CNTLN: variants seen among roughly 807,000 people sequenced by gnomAD.
CNTLN encodes centlein, centrosomal protein.
In CNTLN, 212 loss-of-function variants were observed where a neutral mutation model predicts 180.0. That is an observed-to-expected ratio of 1.18 (90% confidence interval 1.05 to 1.32). CNTLN has a LOEUF of 1.32. Among genes scored for constraint, CNTLN ranks in the 40% most tolerant of loss-of-function variants. The pLI, the probability that CNTLN is intolerant of heterozygous loss-of-function variation, is 0.00. For missense variants in CNTLN, 2,095 were observed against 1,610.9 expected (o/e 1.30, Z -5.14); for synonymous variants, 722 against 563.1 (o/e 1.28, Z -3.99).
At chr9:17,356,305 A>G (rs1044254963) in intron 12 of CNTLN, among the ~76,000 whole-genome samples, 3 of 152,122 alleles carry the variant, frequency 2.0e-5, no homozygotes, top group Non-Finnish European at 4.4e-5. Context: ...TCATACACTA[A>G]GATTGTAGCT....
intron 6 of CNTLN, among the ~76,000 whole-genome samples, chr9:17,292,607 T>C (rs902284536): frequency 2.0e-5 from 3 of 152,192 alleles, no homozygotes; most frequent in African/African-American, 7.2e-5. Context: ...TTGATACTTA[T>C]GGTTGCATTG....
At chr9:17,306,169 A>ATTTTTTTTTTTTTTT (rs1818697540) in intron 7 of CNTLN, among the ~76,000 whole-genome samples, 1 of 74,924 alleles carries the variant, frequency 1.3e-5, no homozygotes, top group Non-Finnish European at 2.6e-5. Flanking sequence ...TTTTTTTTTG[A>ATTTTTTTTTTTTTTT]GTTTGAGTCT....
chr9:17,502,521 TTAA>T (rs1833804465), intron 25 of CNTLN, 27 bp from the exon 26 acceptor site: 1 of 1,044,026 alleles, frequency 9.6e-7, no homozygotes, highest in African/African-American at 1.7e-5. Flanking sequence ...ATATAGAGTT[TTAA>T]TAATCTTTTT....
At chr9:17,464,755 C>T (rs1350435649) in intron 21 of CNTLN, 132 bp downstream of exon 21, 1 of 521,924 alleles carries the variant, frequency 1.9e-6, no homozygotes, top group East Asian at 3.6e-5. Flanking sequence ...TACAAAGTAA[C>T]ACTCTTTGCT....
intron 18 of CNTLN, among the ~76,000 whole-genome samples, chr9:17,456,090 C>T (rs1264314421): frequency 6.6e-6 from 1 of 151,896 alleles, no homozygotes; most frequent in Admixed American, 6.6e-5. Context: ...AAGAGAGTGG[C>T]TGAAAGGAAT....
intron 5 of CNTLN, among the ~76,000 whole-genome samples, chr9:17,251,119 T>A (rs979469557): frequency 6.6e-6 from 1 of 152,056 alleles, no homozygotes; most frequent in Admixed American, 6.6e-5. Flanking sequence ...GCTTTTACTC[T>A]CATTAAGGAT....
At chr9:17,465,893 T>C in intron 21 of CNTLN, 88 bp from the exon 22 acceptor site, 2 of 952,804 alleles carry the variant, frequency 2.1e-6, no homozygotes, top group Non-Finnish European at 3.1e-6. Context: ...AGTAGACTCA[T>C]TCACTCATTT....
At chr9:17,498,206 A>G (rs575516694) in intron 25 of CNTLN, among the ~76,000 whole-genome samples, 2 of 152,276 alleles carry the variant, frequency 1.3e-5, no homozygotes, top group Non-Finnish European at 2.9e-5. Context: ...TCAATTTTAT[A>G]TTGAGTATAT....
chr9:17,266,246 A>C (rs200558843), intron 5 of CNTLN, among the ~76,000 whole-genome samples: 2 of 152,012 alleles, frequency 1.3e-5, no homozygotes, highest in Non-Finnish European at 2.9e-5. Flanking sequence ...TGTCTTTGTT[A>C]TCATTGGTTT....
At chr9:17,511,632 T>TCC in the CNTLN span, among the ~76,000 whole-genome samples, 1 of 65,476 alleles carries the variant, frequency 1.5e-5, no homozygotes, top group Non-Finnish European at 3.1e-5. Context: ...ACTTGCTTTA[T>TCC]CTCTCTCTCT....
At chr9:17,158,689 A>G (rs935406590) in intron 2 of CNTLN, among the ~76,000 whole-genome samples, 4 of 151,896 alleles carry the variant, frequency 2.6e-5, no homozygotes, top group African/African-American at 7.3e-5. Flanking sequence ...TTACATTTTT[A>G]TAGTTTTTTA....
At chr9:17,236,241 G>A (rs1191633574) in intron 4 of CNTLN, among the ~76,000 whole-genome samples, 168 bp from the exon 5 acceptor site, 1 of 152,146 alleles carries the variant, frequency 6.6e-6, no homozygotes, top group African/African-American at 2.4e-5. Flanking sequence ...CCACCTGCAT[G>A]AAAAGAGGCC....
At chr9:17,421,138 T>A (rs1828692231) in intron 18 of CNTLN, among the ~76,000 whole-genome samples, 1 of 152,138 alleles carries the variant, frequency 6.6e-6, no homozygotes, top group South Asian at 2.1e-4. Context: ...GGATGATCTG[T>A]CCATTGCTGA....
intron 14 of CNTLN, among the ~76,000 whole-genome samples, chr9:17,388,567 A>G (rs577156061): frequency 1.9e-4 from 29 of 152,186 alleles, no homozygotes; most frequent in Middle Eastern, 3.5e-3. Context: ...AGTTTAAAGT[A>G]TATTTTAATA....
At chr9:17,472,470 C>A (rs997886241) in intron 23 of CNTLN, among the ~76,000 whole-genome samples, 3 of 152,148 alleles carry the variant, frequency 2.0e-5, no homozygotes, top group Admixed American at 2.0e-4. Context: ...GTAAGCCATC[C>A]AATCCCCTAT....
chr9:17,245,440 G>GT (rs553099095), intron 5 of CNTLN, among the ~76,000 whole-genome samples: 6,646 of 132,074 alleles, frequency 0.05, 243 homozygotes, highest in Non-Finnish European at 0.078. Flanking sequence ...TGTTATTTGT[G>GT]TTTTTTTTTT....
chr9:17,509,239 T>G, the CNTLN span, among the ~76,000 whole-genome samples: 2 of 152,194 alleles, frequency 1.3e-5, no homozygotes, highest in Non-Finnish European at 2.9e-5. Context: ...ACTCAGCCCT[T>G]GATATGGCAC....
In CNTLN at chr9:17,487,068, T is replaced by C; in HGVS notation, c.4119+2T>C. ...ATTCAGAAACTTCTTGAAGGACAGG[T>C]ATTTCATTTTTCTGTTTCATATATT... On this transcript the variant is annotated splice_donor_variant, in intron 25 of 25. Coordinates refer to ENST00000380647, the MANE Select transcript of CNTLN (RefSeq NM_017738.4). LOFTEE classifies it high-confidence loss of function. The C allele has an allele frequency of 6.3e-7, 1 of 1,584,648 alleles. No homozygotes were observed. Among genetic ancestry groups the C allele is most frequent in the East Asian group, 2.2e-5 (1 of 44,540 alleles).
chr9:17,484,174 T>C, intron 23 of CNTLN, 121 bp from the exon 24 acceptor site: 1 of 793,252 alleles, frequency 1.3e-6, no homozygotes, highest in South Asian at 2.0e-5. Flanking sequence ...CCAGAGTAAT[T>C]AAAACCAGAG....
Sources: allele counts gnomAD v4.1 joint callset (sites outside exome capture counted in the v4.1 genomes callset), GRCh38; gene constraint gnomAD v4.1.1; transcripts MANE v1.5; gene names NCBI Gene and HGNC (gene_info 2026-07-23, HGNC 2026-07-21).